Variants in SIN3A observed in about 807,000 individuals in gnomAD.
SIN3A encodes the protein SIN3 transcription regulator family member A, also known as paired amphipathic helix protein Sin3a.
SIN3A carries 14 observed loss-of-function variants against 146.1 expected under a neutral mutation model. The observed-to-expected ratio is 0.10, with a 90% CI of 0.06 to 0.15. The LOEUF is 0.15. Ranked by LOEUF, SIN3A falls within the 10% of genes least tolerant of loss-of-function variation. The pLI is 1.00. For synonymous variants in SIN3A, 572 were observed against 572.0 expected, an observed-to-expected ratio of 1.00 and a Z score of 0.00; for missense variants, 1,028 against 1,576.0, an observed-to-expected ratio of 0.65 and a Z score of 5.89.
At chr15:75,398,298 T>C (rs1384067283) in intron 12 of SIN3A, among the ~76,000 whole-genome samples, 2 of 152,244 alleles carry the variant, frequency 1.3e-5, no homozygotes, top group African/African-American at 2.4e-5. Flanking sequence ...CCACTTTCAG[T>C]AGTCCCTCTC....
At chr15:75,389,867 G>C in intron 15 of SIN3A, 46 bp from the exon 16 acceptor site, 1 of 1,594,432 alleles carries the variant, frequency 6.3e-7, no homozygotes, top group Non-Finnish European at 8.6e-7. Flanking sequence ...GCTAAGAAAA[G>C]ACTAGGGATA....
Position 75,440,323 on chromosome 15 carries a change from C to T in SIN3A, c.-33-9915G>A, listed in dbSNP as rs192592473. ...TCAACTCACTGCAACCTCTGCCTCC[C>T]AGGTTCAAGCAATTCCTGTGCCTCA... On this transcript the variant is annotated intron_variant, in intron 1 of 20. Coordinates refer to ENST00000394947, the MANE Select transcript of SIN3A (RefSeq NM_001145358.2). Among the ~76,000 whole-genome samples the T allele has an allele frequency of 4.0e-3, 611 of 151,622 alleles. 4 individuals are homozygous for T. Among genetic ancestry groups the T allele is most frequent in the Admixed American group, 9.9e-3 (150 of 15,226 alleles).
intron 2 of SIN3A, among the ~76,000 whole-genome samples, chr15:75,427,758 T>C (rs912679422): frequency 1.3e-5 from 2 of 151,490 alleles, no homozygotes; most frequent in Admixed American, 6.6e-5. Flanking sequence ...TCACCTGAGG[T>C]CAGGAGTTCG....
chr15:75,438,205 C>T (rs181502909), intron 1 of SIN3A, among the ~76,000 whole-genome samples: 88 of 151,964 alleles, frequency 5.8e-4, no homozygotes, highest in Non-Finnish European at 1.1e-3. Flanking sequence ...TACTAAAGCA[C>T]GAAAAACAAA....
chr15:75,440,665 A>G (rs1177831178), intron 1 of SIN3A, among the ~76,000 whole-genome samples: 1 of 152,120 alleles, frequency 6.6e-6, no homozygotes, highest in Non-Finnish European at 1.5e-5. Flanking sequence ...GAACACAGCC[A>G]TTCTATAAAT....
chr15:75,448,175 TAAAAAAAA>T (rs59766455), intron 1 of SIN3A: 7 of 134,010 alleles, frequency 5.2e-5, no homozygotes, highest in Middle Eastern at 3.7e-3. Context: ...AGACTTCGTC[TAAAAAAAA>T]AAAAAAAAAG....
intron 3 of SIN3A, chr15:75,419,625 G>A (rs2073805845): frequency 6.6e-6 from 1 of 151,200 alleles, no homozygotes; most frequent in Non-Finnish European, 1.5e-5. Flanking sequence ...TTTGAGAGCA[G>A]CCTGGCTAAC....
chr15:75,454,553 G>A (rs1055096217), upstream of SIN3A, among the ~76,000 whole-genome samples: 1 of 151,006 alleles, frequency 6.6e-6, no homozygotes, highest in African/African-American at 2.4e-5. Context: ...GCTGACAGGC[G>A]CGCCCCCCGC....
intron 5 of SIN3A, among the ~76,000 whole-genome samples, chr15:75,411,948 A>G (rs1040558343): frequency 6.6e-6 from 1 of 152,232 alleles, no homozygotes; most frequent in African/African-American, 2.4e-5. Context: ...TTTCAGTCTC[A>G]CATTTTCTAA....
At chr15:75,423,691 C>A (rs2073878271) in intron 2 of SIN3A, among the ~76,000 whole-genome samples, 2 of 151,626 alleles carry the variant, frequency 1.3e-5, no homozygotes, top group South Asian at 2.1e-4. Flanking sequence ...AACAAACAAA[C>A]AAAAAAATAT....
intron 3 of SIN3A, among the ~76,000 whole-genome samples, chr15:75,418,807 T>C (rs140676521): frequency 6.6e-6 from 1 of 152,250 alleles, no homozygotes; most frequent in Admixed American, 6.5e-5. Context: ...CAGGCTGGAG[T>C]GCAGTGGCGC....
At chr15:75,374,453 GC>G (rs1426910354) in intron 20 of SIN3A, among the ~76,000 whole-genome samples, 1 of 152,184 alleles carries the variant, frequency 6.6e-6, no homozygotes, top group Non-Finnish European at 1.5e-5. Flanking sequence ...AGTACGGGTG[GC>G]CCCCACATCT....
In SIN3A at chr15:75,385,692, GAC is replaced by G. The variant is rs1011178195; in HGVS notation, c.3022-1257_3022-1256del. Among the ~76,000 whole-genome samples, 40 of 152,188 alleles carry G rather than the reference GAC, an allele frequency of 2.6e-4. 1 individual carries two copies. Among genetic ancestry groups the G allele is most frequent in the Non-Finnish European group, 4.7e-4 (32 of 68,020 alleles). On this transcript the variant is annotated intron_variant, in intron 16 of 20. Coordinates refer to ENST00000394947, the MANE Select transcript of SIN3A (RefSeq NM_001145358.2). ...CACCAAGCCATTCTATTTTTAGGAA[GAC>G]ACATTCTTTTTAAGTGTTAGGAACC...
Position 75,375,856 on chromosome 15 carries a change from G to T in SIN3A, c.3400C>A (p.Arg1134=), listed in dbSNP as rs756123555. 1.5e-5 allele frequency: 24 copies of T among 1,613,890 alleles called. No individual in the cohort carries two copies. Among genetic ancestry groups the T allele is most frequent in the Non-Finnish European group, 2.0e-5 (24 of 1,180,016 alleles). The change falls in exon 20 of 21, where the codon CGG becomes AGG. Residue 1134 remains arginine (R), a synonymous_variant. Transcript: ENST00000394947. The part of the protein sequence containing the change: ...VFLPRNLRRI[R]KCQRGREQQE... ...TGCTCTCGACCACGTTGACACTTCCGGATCCGCCGTAGATTCCTATTGCAG... is the reference window on the plus strand; with the variant it reads ...TGCTCTCGACCACGTTGACACTTCCTGATCCGCCGTAGATTCCTATTGCAG...
intron 3 of SIN3A, among the ~76,000 whole-genome samples, chr15:75,417,582 T>C (rs1238560369): frequency 1.3e-5 from 2 of 152,150 alleles, no homozygotes; most frequent in Admixed American, 6.6e-5. Flanking sequence ...TTTCACCATG[T>C]TGGCCAGGCT....
At chr15:75,403,367 T>C (rs920843571) in intron 9 of SIN3A, among the ~76,000 whole-genome samples, 4 of 146,620 alleles carry the variant, frequency 2.7e-5, no homozygotes, top group East Asian at 2.2e-4. Flanking sequence ...GAGGCAGAGG[T>C]TGCAGTGAGC....
chr15:75,439,204 C>G (rs907282585), intron 1 of SIN3A, among the ~76,000 whole-genome samples: 1 of 152,164 alleles, frequency 6.6e-6, no homozygotes, highest in Non-Finnish European at 1.5e-5. Context: ...TGATATCTCA[C>G]AGATAGAGTA....
rs773259322 is a variant in SIN3A, at chr15:75,371,931, C to A, written c.*48G>T. On this transcript the variant is annotated 3_prime_UTR_variant, in exon 21 of 21. Coordinates refer to ENST00000394947, the MANE Select transcript of SIN3A (RefSeq NM_001145358.2). ...TTCAGTGTGTGAGTGCATAGGCCCA[C>A]ACACACATCCCCACACACACCCCAA... The A allele has an allele frequency of 1.5e-5, 23 of 1,537,486 alleles. No individual in the cohort carries two copies. The South Asian group carries it at 2.6e-4, about 17-fold the overall frequency.
upstream of SIN3A, chr15:75,453,996 A>C (rs763374450): frequency 6.6e-6 from 1 of 152,192 alleles, no homozygotes; most frequent in Non-Finnish European, 1.5e-5. Flanking sequence ...GGCCTCACAC[A>C]TGTGCGGAGC....
Sources: allele counts gnomAD v4.1 joint callset (sites outside exome capture counted in the v4.1 genomes callset), GRCh38; gene constraint gnomAD v4.1.1; transcripts MANE v1.5; gene names NCBI Gene and HGNC (gene_info 2026-07-23, HGNC 2026-07-21).